Variants in FAM13C observed in about 807,000 individuals in gnomAD.
FAM13C encodes the protein family with sequence similarity 13 member C.
In FAM13C, 37 loss-of-function variants were observed where a neutral mutation model predicts 73.2. The ratio of observed to expected loss-of-function variants is 0.51; its 90% confidence interval spans 0.39 to 0.67. The LOEUF (loss-of-function observed/expected upper bound fraction) is 0.67, where lower values mean the gene tolerates loss of function less well. Among genes scored for constraint, FAM13C ranks in the 30% least tolerant of loss-of-function variants. FAM13C has a pLI of 0.00. For missense variants in FAM13C, 589 were observed against 715.6 expected, an observed-to-expected ratio of 0.82 and a Z score of 2.02; for synonymous variants, 246 against 260.9, an observed-to-expected ratio of 0.94 and a Z score of 0.55.
chr10:59,257,137 A>G lies in FAM13C; in HGVS notation c.1237-2694T>C, dbSNP rs1049641849. 5.9e-5 allele frequency among the ~76,000 whole-genome samples: 9 copies of G among 152,344 alleles called. No individual in the cohort carries two copies. The East Asian group carries it at 1.7e-3, about 29-fold the overall frequency. ...ATTCTTCCAGTTTCTCCATTTTTATAGTATCAGGGGTATAACTAAGAGGAG... is the reference window on the plus strand; with the variant it reads ...ATTCTTCCAGTTTCTCCATTTTTATGGTATCAGGGGTATAACTAAGAGGAG... On this transcript the variant is annotated intron_variant, in intron 10 of 13. Coordinates refer to ENST00000618804, the MANE Select transcript of FAM13C (RefSeq NM_198215.4).
In FAM13C at chr10:59,272,575, T is replaced by A. The variant is rs947597571; in HGVS notation, c.593-2466A>T. On this transcript the variant is annotated intron_variant, in intron 6 of 13. Transcript: ENST00000618804. ...GAACCTTTGTTCCCTAGGGGCACATTACTTTCTATCCCCAAGGAAGGGGCA... is the reference window on the plus strand; with the variant it reads ...GAACCTTTGTTCCCTAGGGGCACATAACTTTCTATCCCCAAGGAAGGGGCA... Among the ~76,000 whole-genome samples, 68 of 152,164 alleles carry A rather than the reference T, an allele frequency of 4.5e-4. 1 individual carries two copies. The highest frequency in any genetic ancestry group is 1.8e-4 in the Non-Finnish European group (12 of 68,034).
intron 6 of FAM13C, among the ~76,000 whole-genome samples, chr10:59,279,892 T>C (rs1844742326): frequency 6.6e-6 from 1 of 152,110 alleles, no homozygotes; most frequent in African/African-American, 2.4e-5. Flanking sequence ...AGGCTAGAAG[T>C]TCAAGATCAG....
chr10:59,318,697 C>T (rs979810506), intron 4 of FAM13C, among the ~76,000 whole-genome samples: 1 of 152,092 alleles, frequency 6.6e-6, no homozygotes, highest in Admixed American at 6.6e-5. Flanking sequence ...AAGGAGAGCC[C>T]TCCTTTCCAG....
intron 4 of FAM13C, among the ~76,000 whole-genome samples, chr10:59,321,286 C>G (rs1409270820): frequency 6.6e-6 from 1 of 151,976 alleles, no homozygotes; most frequent in Non-Finnish European, 1.5e-5. Context: ...GAAGAATGAT[C>G]AGAGAGATGC....
rs767760384 is a variant in FAM13C, at chr10:59,266,245, T to G, written c.943-2079A>C. ...AGGTAGACGTGTGGCTGACGCAGCC[T>G]TTTCTTAGCCCAAGAGTCCAATAAT... On this transcript the variant is annotated intron_variant, in intron 8 of 13. Transcript: ENST00000618804. Among the ~76,000 whole-genome samples, 11 of 152,332 alleles carry G rather than the reference T, an allele frequency of 7.2e-5. No individual in the cohort carries two copies. The South Asian group carries it at 8.3e-4, about 11-fold the overall frequency.
At chr10:59,285,704 CT>C (rs1845474315) in intron 5 of FAM13C, among the ~76,000 whole-genome samples, 1 of 152,198 alleles carries the variant, frequency 6.6e-6, no homozygotes, top group Admixed American at 6.5e-5. Flanking sequence ...AAAATAGTGT[CT>C]CTACAAAATT....
intron 8 of FAM13C, among the ~76,000 whole-genome samples, chr10:59,266,209 G>A (rs969123886): frequency 6.6e-6 from 1 of 152,170 alleles, no homozygotes; most frequent in African/African-American, 2.4e-5. Context: ...AACATTCCCT[G>A]ATTCCACTGA....
chr10:59,314,567 C>A (rs1849304368), intron 4 of FAM13C, among the ~76,000 whole-genome samples: 1 of 152,120 alleles, frequency 6.6e-6, no homozygotes. Flanking sequence ...TAGATTTATT[C>A]AATAGGCTGG....
chr10:59,302,923 G>T, intron 4 of FAM13C, 59 bp from the exon 5 acceptor site: 2 of 1,485,348 alleles, frequency 1.3e-6, no homozygotes, highest in Non-Finnish European at 9.3e-7. Flanking sequence ...TGATGTACAT[G>T]TGAAGCTGGT....
At chr10:59,356,831 C>T (rs1342590076) in intron 1 of FAM13C, among the ~76,000 whole-genome samples, 1 of 152,162 alleles carries the variant, frequency 6.6e-6, no homozygotes, top group African/African-American at 2.4e-5. Context: ...GACACACTCT[C>T]AATCTGAGTA....
intron 10 of FAM13C, among the ~76,000 whole-genome samples, chr10:59,254,747 C>A (rs930512931): frequency 6.6e-6 from 1 of 151,938 alleles, no homozygotes. Context: ...GGACTACAGG[C>A]ACGCACCACC....
intron 8 of FAM13C, 143 bp from the exon 9 acceptor site, chr10:59,264,309 A>C: frequency 8.1e-6 from 5 of 616,946 alleles, no homozygotes; most frequent in African/African-American, 1.8e-5. Flanking sequence ...TGGGAGAGAA[A>C]TTCGGGTGTG....
At chr10:59,350,824 C>G (rs1198387856) in intron 3 of FAM13C, among the ~76,000 whole-genome samples, 2 of 152,150 alleles carry the variant, frequency 1.3e-5, no homozygotes, top group Non-Finnish European at 2.9e-5. Context: ...CTAAACAGGA[C>G]TGGGCTTAAA....
chr10:59,297,951 T>G (rs1461317461), intron 5 of FAM13C, among the ~76,000 whole-genome samples: 1 of 152,108 alleles, frequency 6.6e-6, no homozygotes, highest in Non-Finnish European at 1.5e-5. Context: ...CATTGATGCC[T>G]TAAGTCTTAG....
At chr10:59,345,325 C>T (rs1854163882) in intron 3 of FAM13C, among the ~76,000 whole-genome samples, 1 of 152,172 alleles carries the variant, frequency 6.6e-6, no homozygotes, top group Non-Finnish European at 1.5e-5. Context: ...TTATCAAATT[C>T]TCCATTGGTT....
intron 6 of FAM13C, among the ~76,000 whole-genome samples, chr10:59,283,043 A>G (rs752467173): frequency 3.3e-5 from 5 of 152,230 alleles, no homozygotes; most frequent in Non-Finnish European, 7.3e-5. Flanking sequence ...ATATAAAATA[A>G]GCATAGCACT....
chr10:59,299,511 C>CA (rs1847306642), intron 5 of FAM13C, among the ~76,000 whole-genome samples: 2 of 137,024 alleles, frequency 1.5e-5, no homozygotes, highest in Non-Finnish European at 3.2e-5. Flanking sequence ...CCCAATATGG[C>CA]TTTTTTTTTT....
chr10:59,308,129 C>T (rs1385912277), intron 4 of FAM13C, among the ~76,000 whole-genome samples: 1 of 152,134 alleles, frequency 6.6e-6, no homozygotes, highest in Non-Finnish European at 1.5e-5. Flanking sequence ...AAATATATAT[C>T]AAATGCATGC....
At chr10:59,270,260 G>A (rs1843561136) in intron 6 of FAM13C, 151 bp from the exon 7 acceptor site, 2 of 730,526 alleles carry the variant, frequency 2.7e-6, no homozygotes, top group South Asian at 2.0e-5. Context: ...TCAAAATATT[G>A]TCATGTTTAT....
Sources: gnomAD v4.1 joint callset for allele counts (sites outside exome capture counted in the v4.1 genomes callset) on GRCh38, gnomAD v4.1.1 for gene constraint, MANE v1.5 for transcripts, NCBI Gene and HGNC (gene_info 2026-07-23, HGNC 2026-07-21) for gene names.